RAB11FIP4: variants seen among roughly 807,000 people sequenced by gnomAD.
The protein encoded by RAB11FIP4 is RAB11 family interacting protein 4, also known as rab11 family-interacting protein 4.
A neutral mutation model predicts 74.3 loss-of-function variants in RAB11FIP4; 23 were observed. The ratio of observed to expected loss-of-function variants is 0.31; its 90% CI spans 0.22 to 0.44. RAB11FIP4 has a LOEUF of 0.44. RAB11FIP4 is among the 20% of genes least tolerant of loss of function. The pLI is 1.00. For synonymous variants in RAB11FIP4, 360 were observed against 359.9 expected, an observed-to-expected ratio of 1.00 and a Z score of 0.00; for missense variants, 630 against 863.9, an observed-to-expected ratio of 0.73 and a Z score of 3.39.
intron 1 of RAB11FIP4, among the ~76,000 whole-genome samples, chr17:31,428,817 C>T (rs1206516903): frequency 6.6e-6 from 1 of 152,072 alleles, no homozygotes; most frequent in African/African-American, 2.4e-5. Flanking sequence ...GGTGGCGTGC[C>T]TGTAGTCCCA....
At chr17:31,425,305 C>A (rs1321648164) in intron 1 of RAB11FIP4, among the ~76,000 whole-genome samples, 3 of 152,226 alleles carry the variant, frequency 2.0e-5, no homozygotes, top group Admixed American at 2.0e-4. Flanking sequence ...TGAGTAATGG[C>A]TGACGTTTAT....
intron 3 of RAB11FIP4, among the ~76,000 whole-genome samples, chr17:31,468,562 G>T (rs1013185791): frequency 6.6e-6 from 1 of 152,186 alleles, no homozygotes; most frequent in Non-Finnish European, 1.5e-5. Flanking sequence ...TGGGCACTGT[G>T]TCTCATGCCT....
chr17:31,510,576 C>T (rs1427827772), intron 3 of RAB11FIP4, among the ~76,000 whole-genome samples: 9 of 152,080 alleles, frequency 5.9e-5, no homozygotes, highest in Non-Finnish European at 5.9e-5. Context: ...GGACTCCCTT[C>T]CCCAGGCAGC....
At chr17:31,447,585 C>T (rs2071479205) in intron 3 of RAB11FIP4, among the ~76,000 whole-genome samples, 2 of 152,076 alleles carry the variant, frequency 1.3e-5, no homozygotes, top group East Asian at 1.9e-4. Flanking sequence ...TGCAATAGTA[C>T]GATCTTGGCT....
rs557099046 is a variant in RAB11FIP4 at position 31,508,612 on chromosome 17, G to A, written c.337-9039G>A. ...GCCAGTGCCTGGGTGCACGCGGCCC[G>A]GGTCGGCCTCAGACCCTCCCTCTTG... On this transcript the variant is annotated intron_variant, in intron 3 of 14. Coordinates refer to ENST00000621161, the MANE Select transcript of RAB11FIP4 (RefSeq NM_032932.6). Among the ~76,000 whole-genome samples, 83 of 152,324 alleles carry A rather than the reference G, an allele frequency of 5.4e-4. 1 individual carries two copies. In the East Asian group the frequency reaches 0.016, roughly 29 times the overall value.
chr17:31,503,987 A>G (rs900882789), intron 3 of RAB11FIP4, among the ~76,000 whole-genome samples: 2 of 149,648 alleles, frequency 1.3e-5, no homozygotes, highest in African/African-American at 5.1e-5. Flanking sequence ...GAGAAATGCA[A>G]ATGAAAACTA....
intron 3 of RAB11FIP4, among the ~76,000 whole-genome samples, chr17:31,517,012 GCAGAAAGCAAT>G (rs1180055593): frequency 1.3e-5 from 2 of 151,832 alleles, no homozygotes; most frequent in African/African-American, 4.8e-5. Flanking sequence ...CTGATTGGTT[GCAGAAAGCAAT>G]CAGAAAGCAA....
chr17:31,496,733 G>A (rs2072123545), intron 3 of RAB11FIP4, among the ~76,000 whole-genome samples: 1 of 152,216 alleles, frequency 6.6e-6, no homozygotes, highest in African/African-American at 2.4e-5. Flanking sequence ...AGTGTGCTGT[G>A]GTCCCTGCAA....
At chr17:31,506,136 A>G (rs570719527) in intron 3 of RAB11FIP4, among the ~76,000 whole-genome samples, 1 of 152,216 alleles carries the variant, frequency 6.6e-6, no homozygotes, top group Non-Finnish European at 1.5e-5. Flanking sequence ...TGTTTCTTGT[A>G]AGTGGTATGT....
rs147913394 is a variant in RAB11FIP4 at position 31,522,366 on chromosome 17, C to T, written c.900C>T (p.Asn300=). Reference sequence around the variant, plus strand: ...GTTTCCTTTCTCTCTCTAGCCCCAACCGAAAGATCTCCAGCACGGCCTTTG... The same window carrying T: ...GTTTCCTTTCTCTCTCTAGCCCCAATCGAAAGATCTCCAGCACGGCCTTTG... The part of the protein sequence containing the change: ...RLKNLKANSP[N]RKISSTAFGR... The change falls in exon 7 of 15, where the codon AAC becomes AAT. Residue 300 remains asparagine, a synonymous_variant. Transcript: ENST00000621161. The T allele has an allele frequency of 2.5e-4, 403 of 1,613,962 alleles. 1 individual carries two copies. The African/African-American group carries it at 4.7e-3, about 19-fold the overall frequency.
At chr17:31,404,870 G>A (rs962400406) in intron 1 of RAB11FIP4, among the ~76,000 whole-genome samples, 3 of 152,088 alleles carry the variant, frequency 2.0e-5, no homozygotes, top group Non-Finnish European at 4.4e-5. Context: ...AATGGATGGC[G>A]GGGCTGAGTT....
In RAB11FIP4 at chr17:31,525,112, G is replaced by A; in HGVS notation, c.1156G>A (p.Val386Met). Residue 386 changes from valine to methionine, a missense_variant, in exon 10 of 15, where the codon GTG becomes ATG. By Grantham distance (21) the Val-to-Met change is conservative. Transcript: ENST00000621161. ...CAGGGTGCATGAGCTGGAGGAGATG[G>A]TGAAGGATCAGGAGACCACGGCCGA... is the stretch of plus-strand genomic sequence containing the variant. Reference protein sequence around the residue: ...VHRVHELEEMVKDQETTAEQA... With the variant: ...VHRVHELEEMMKDQETTAEQA... 1.3e-6 allele frequency: 2 copies of A among 1,550,632 alleles called. No homozygotes were observed. The highest frequency in any genetic ancestry group is 1.2e-5 in the South Asian group (1 of 84,022).
At position 31,521,373 on chromosome 17, in the gene RAB11FIP4, T is replaced by G. The variant is rs753940908; in HGVS notation, c.758+13T>G. ...CGGTGTCTTCCAGGTGGCCCCTTGG[T>G]CTGGGATGTCATTTGGGGTCAAAAG... is the stretch of plus-strand genomic sequence containing the variant. On this transcript the variant is annotated intron_variant, in intron 5 of 14. Transcript: ENST00000621161. The G allele has an allele frequency of 6.3e-7, 1 of 1,581,780 alleles. No homozygotes were observed. The highest frequency in any genetic ancestry group is 1.1e-5 in the South Asian group (1 of 87,872).
At chr17:31,394,838 C>A (rs890413210) in intron 1 of RAB11FIP4, among the ~76,000 whole-genome samples, 1 of 147,594 alleles carries the variant, frequency 6.8e-6, no homozygotes, top group Non-Finnish European at 1.5e-5. Context: ...TTGACCGAGA[C>A]CCGTGGAAAT....
chr17:31,444,604 G>A (rs1050895606), intron 3 of RAB11FIP4, among the ~76,000 whole-genome samples: 2 of 152,114 alleles, frequency 1.3e-5, no homozygotes, highest in African/African-American at 4.8e-5. Context: ...TGGCCAGCAA[G>A]TGCTACTTCC....
At chr17:31,528,013 C>T (rs902301128) in intron 11 of RAB11FIP4, 90 bp downstream of exon 11, 1 of 1,001,934 alleles carries the variant, frequency 1.0e-6, no homozygotes, top group African/African-American at 1.6e-5. Flanking sequence ...AATGCCGCAC[C>T]CCCTAAGAAA....
Position 31,431,990 on chromosome 17 carries a change from TC to T in RAB11FIP4, c.247+94del. The stretch of plus-strand genomic sequence containing the variant: ...TGACTGGGGGCCCAGCCTGGATTCC[TC>T]CCCACAGGGGTCCCAGAGCCCAGGA... On this transcript the variant is annotated intron_variant, in intron 2 of 14. Coordinates refer to ENST00000621161, the MANE Select transcript of RAB11FIP4 (RefSeq NM_032932.6). 1.5e-5 allele frequency: 15 copies of T among 990,896 alleles called. No individual in the cohort carries two copies. The South Asian group carries it at 1.7e-4, about 11-fold the overall frequency. The allele number at this position is 990,896 out of a possible 1,614,324, so 61.4% of individuals were successfully genotyped here. A position where few individuals can be genotyped will look rare whatever the true frequency, so the allele number is the denominator to read the frequency against.
intron 3 of RAB11FIP4, among the ~76,000 whole-genome samples, chr17:31,506,838 A>G (rs1268708424): frequency 6.6e-6 from 1 of 152,210 alleles, no homozygotes; most frequent in Non-Finnish European, 1.5e-5. Context: ...TTGTGCTTCA[A>G]TAAATGTGGG....
At chr17:31,396,563 G>C (rs542028825) in intron 1 of RAB11FIP4, among the ~76,000 whole-genome samples, 33 of 152,316 alleles carry the variant, frequency 2.2e-4, no homozygotes, top group African/African-American at 7.9e-4. Context: ...ACACTTGCAA[G>C]CATTTTTGAG....
Sources: allele counts gnomAD v4.1 joint callset (sites outside exome capture counted in the v4.1 genomes callset), GRCh38; gene constraint gnomAD v4.1.1; transcripts MANE v1.5; gene names NCBI Gene and HGNC (gene_info 2026-07-23, HGNC 2026-07-21).